Variants in RBM10 observed in about 807,000 individuals in gnomAD.
RBM10 encodes RNA binding motif protein 10.
Under a neutral mutation model 84.9 loss-of-function variants are expected in RBM10, and 1 was observed. The ratio of observed to expected loss-of-function variants is 0.01; its 90% CI spans 0.00 to 0.06. The LOEUF (loss-of-function observed/expected upper bound fraction) is 0.06. RBM10 is among the 10% of genes least tolerant of loss of function. RBM10 has a pLI of 1.00. For missense variants in RBM10, 438 were observed against 839.0 expected (o/e 0.52, Z 5.90); for synonymous variants, 326 against 344.5 (o/e 0.95, Z 0.60).
chrX:47,175,109 T>TGGGGGGGGGGGGGGGGGGGGGGGGGG lies in RBM10; in HGVS notation c.576+18_576+19insGGGGGGGGGGGGGGGGGGGGGGGGGG. 1 of 1,183,035 alleles carries TGGGGGGGGGGGGGGGGGGGGGGGGGG rather than the reference T, an allele frequency of 8.5e-7. No individual in the cohort carries two copies. The highest frequency in any genetic ancestry group is 1.1e-6 in the Non-Finnish European group (1 of 871,655). The stretch of plus-strand genomic sequence containing the variant: ...GCCAATCAGGTTGCTTTGCCGCACT[T>TGGGGGGGGGGGGGGGGGGGGGGGGGG]GAACCCCCCCCCAAACAAATACTAC... On this transcript the variant is annotated intron_variant, in intron 6 of 23. Coordinates refer to ENST00000377604, the MANE Select transcript of RBM10 (RefSeq NM_005676.5).
chrX:47,156,970 C>T, intron 2 of RBM10: 1 of 256,859 alleles, frequency 3.9e-6, no homozygotes, highest in South Asian at 4.7e-5. Context: ...AACCTGCTCA[C>T]ACCCTCGTAG....
chrX:47,146,754 G>T (rs782585814), intron 1 of RBM10, among the ~76,000 whole-genome samples: 73 of 111,770 alleles, frequency 6.5e-4, no homozygotes, highest in Middle Eastern at 4.6e-3. Flanking sequence ...CAGTTGCTGT[G>T]TGAGGGCCAA....
At chrX:47,158,459 A>G (rs1367465363) in intron 2 of RBM10, among the ~76,000 whole-genome samples, 2 of 111,881 alleles carry the variant, frequency 1.8e-5, no homozygotes, top group Non-Finnish European at 3.8e-5. Context: ...GCTGGAGTAC[A>G]GTGGTGCGAT....
intron 2 of RBM10, chrX:47,156,827 C>T: frequency 5.4e-6 from 1 of 186,846 alleles, no homozygotes; most frequent in Non-Finnish European, 1.0e-5. Flanking sequence ...TGCATGTCTG[C>T]TTGCCTGCTA....
At chrX:47,148,894 A>G (rs200229350) in intron 2 of RBM10, among the ~76,000 whole-genome samples, 1,623 of 76,719 alleles carry the variant, frequency 0.021, 41 homozygotes, top group East Asian at 0.096. Context: ...ATATCATAGA[A>G]AATGTATCCT....
chrX:47,185,393 G>A (rs782478843), intron 19 of RBM10, 26 bp downstream of exon 19: 6 of 1,182,858 alleles, frequency 5.1e-6, no homozygotes, highest in Non-Finnish European at 5.7e-6. Context: ...AGAGAGGGGC[G>A]GGGGCTCTGA....
chrX:47,165,072 C>T (rs1556768352), intron 2 of RBM10, among the ~76,000 whole-genome samples: 1 of 111,654 alleles, frequency 9.0e-6, no homozygotes, highest in Non-Finnish European at 1.9e-5. Context: ...TAGGCAAATT[C>T]ATTGAGACAG....
At chrX:47,162,719 C>A (rs1933827448) in intron 2 of RBM10, among the ~76,000 whole-genome samples, 1 of 110,015 alleles carries the variant, frequency 9.1e-6, no homozygotes, top group South Asian at 3.9e-4. Context: ...ACTAAAAATG[C>A]AAAAATTAGC....
chrX:47,182,440 G>C, intron 17 of RBM10, 114 bp downstream of exon 17: 1 of 1,035,766 alleles, frequency 9.7e-7, no homozygotes, highest in South Asian at 2.0e-5. Context: ...GTGTGGATGT[G>C]GGCAGTGACT....
At chrX:47,168,273 GCA>G (rs1230864687) in intron 2 of RBM10, among the ~76,000 whole-genome samples, 2 of 111,964 alleles carry the variant, frequency 1.8e-5, no homozygotes, top group African/African-American at 6.5e-5. Context: ...ATTAGGCCAT[GCA>G]CAGTGGTGGA....
intron 2 of RBM10, among the ~76,000 whole-genome samples, chrX:47,152,918 C>T (rs1395264914): frequency 4.5e-5 from 5 of 110,560 alleles, no homozygotes; most frequent in Non-Finnish European, 9.5e-5. Flanking sequence ...GCAATCTCGG[C>T]CCACTGCAAC....
chrX:47,173,042 T>A, intron 4 of RBM10, 86 bp from the exon 5 acceptor site: 1 of 1,202,983 alleles, frequency 8.3e-7, no homozygotes, highest in Non-Finnish European at 1.1e-6. Flanking sequence ...CGATGACCCC[T>A]CGGGATCCAG....
intron 2 of RBM10, among the ~76,000 whole-genome samples, chrX:47,159,629 C>T (rs1451762312): frequency 9.0e-6 from 1 of 111,031 alleles, no homozygotes; most frequent in African/African-American, 3.3e-5. Context: ...CAAAAACAGA[C>T]ACATAAACCA....
chrX:47,178,973 C>T (rs1935331999), intron 7 of RBM10, 130 bp from the exon 8 acceptor site: 7 of 1,143,565 alleles, frequency 6.1e-6, no homozygotes, highest in Non-Finnish European at 8.2e-6. Flanking sequence ...TCAGAAGGCA[C>T]CTGCCACCAT....
At chrX:47,172,329 C>T (rs1419272404) in intron 4 of RBM10, among the ~76,000 whole-genome samples, 2 of 112,145 alleles carry the variant, frequency 1.8e-5, no homozygotes, top group Admixed American at 9.4e-5. Flanking sequence ...TTTTCCTTTT[C>T]ACCCTGTGTA....
intron 3 of RBM10, 67 bp downstream of exon 3, chrX:47,169,565 T>C: frequency 9.3e-7 from 1 of 1,071,650 alleles, no homozygotes; most frequent in Non-Finnish European, 1.3e-6. Flanking sequence ...TGTGTCTGGC[T>C]GCAGCACCGT....
chrX:47,151,274 A>C (rs1251077500), intron 2 of RBM10, among the ~76,000 whole-genome samples: 4 of 110,498 alleles, frequency 3.6e-5, no homozygotes, highest in Non-Finnish European at 3.8e-5. Flanking sequence ...CCAGCAATCC[A>C]CCCACCTTGG....
At chrX:47,157,362 C>T in intron 2 of RBM10, 1 of 317,050 alleles carries the variant, frequency 3.2e-6, no homozygotes, top group South Asian at 3.2e-5. Flanking sequence ...GCCATTCAGG[C>T]CCTCCTGATT....
intron 3 of RBM10, among the ~76,000 whole-genome samples, chrX:47,169,781 C>T (rs950262098): frequency 3.6e-5 from 4 of 112,238 alleles, no homozygotes; most frequent in Admixed American, 1.9e-4. Flanking sequence ...GCCCATGGCT[C>T]ACTGTGAACC....
Sources: gnomAD v4.1 joint callset for allele counts (sites outside exome capture counted in the v4.1 genomes callset) on GRCh38, gnomAD v4.1.1 for gene constraint, MANE v1.5 for transcripts, NCBI Gene and HGNC (gene_info 2026-07-23, HGNC 2026-07-21) for gene names.